The following CLDN16 variants were observed in gnomAD, a reference collection of about 807,000 sequenced individuals.
CLDN16 encodes claudin-16.
In CLDN16, 13 loss-of-function variants were observed where a neutral mutation model predicts 24.6. The ratio of observed to expected loss-of-function variants is 0.53; its 90% CI spans 0.34 to 0.84. The LOEUF is 0.84. Ranked by LOEUF, CLDN16 falls within the 40% of genes least tolerant of loss-of-function variation. The probability of loss-of-function intolerance (pLI) is 0.01; values close to 1 mark genes in which losing one functional copy is unlikely to be tolerated. For missense variants in CLDN16, 298 were observed against 292.7 expected, an observed-to-expected ratio of 1.02 and a Z score of -0.13; for synonymous variants, 116 against 106.7, an observed-to-expected ratio of 1.09 and a Z score of -0.54.
At chr3:190,361,417 A>G (rs911768946) in intron 1 of CLDN16, among the ~76,000 whole-genome samples, 6 of 151,994 alleles carry the variant, frequency 3.9e-5, no homozygotes, top group Non-Finnish European at 7.4e-5. Flanking sequence ...TGAACTAACC[A>G]AAGAAAGGAA....
chr3:190,408,544 C>T (rs773532681), intron 4 of CLDN16, 39 bp downstream of exon 4: 4 of 1,577,024 alleles, frequency 2.5e-6, no homozygotes, highest in Non-Finnish European at 8.7e-7. Flanking sequence ...CTTGCCTCCA[C>T]TATCGTTTTT....
chr3:190,298,348 T>TACACACAC, the CLDN16 span, among the ~76,000 whole-genome samples: 5,716 of 147,888 alleles, frequency 0.039, 268 homozygotes, highest in African/African-American at 0.12. Flanking sequence ...ATGTATATTA[T>TACACACAC]ACACACACAC....
the CLDN16 span, chr3:190,312,834 A>G: frequency 6.2e-7 from 1 of 1,606,860 alleles, no homozygotes; most frequent in Non-Finnish European, 8.5e-7. Flanking sequence ...TACCAGGAAC[A>G]GGTTAGTAAG....
chr3:190,389,849 A>G (rs1335196476), intron 1 of CLDN16, among the ~76,000 whole-genome samples: 1 of 152,240 alleles, frequency 6.6e-6, no homozygotes, highest in Non-Finnish European at 1.5e-5. Context: ...CATAATTATA[A>G]TTATGTTTTT....
chr3:190,345,164 C>G (rs1717524761), intron 1 of CLDN16, among the ~76,000 whole-genome samples: 1 of 152,144 alleles, frequency 6.6e-6, no homozygotes. Flanking sequence ...TTCTTGTTGT[C>G]TTACCAGCTT....
At chr3:190,362,379 A>T (rs4686545) in intron 1 of CLDN16, among the ~76,000 whole-genome samples, 36,517 of 151,752 alleles carry the variant, frequency 0.24, 5,257 homozygotes, top group East Asian at 0.7. Context: ...AACAGAAGAC[A>T]GCAAGAAAAC....
chr3:190,404,620 T>C (rs1421414809), intron 2 of CLDN16, 142 bp from the exon 3 acceptor site: 2 of 779,620 alleles, frequency 2.6e-6, no homozygotes, highest in East Asian at 2.5e-5. Context: ...GGGGTACTTA[T>C]GTTCAAGTTC....
intron 1 of CLDN16, among the ~76,000 whole-genome samples, chr3:190,327,451 C>G (rs895032316): frequency 6.6e-6 from 1 of 152,160 alleles, no homozygotes; most frequent in South Asian, 2.1e-4. Flanking sequence ...CATTTAGATT[C>G]TAAGGGCTTT....
intron 3 of CLDN16, among the ~76,000 whole-genome samples, chr3:190,380,235 T>TG (rs1553806964): frequency 2.4e-4 from 1 of 4,244 alleles, no homozygotes; most frequent in Non-Finnish European, 3.9e-4. Context: ...TTTTCTTCCT[T>TG]CCCTCCCTTC....
Position 190,332,367 on chromosome 3 carries a change from A to G in CLDN16, n.121+9706A>G, listed in dbSNP as rs1244512501. On this transcript the variant is annotated intron_variant and non_coding_transcript_variant, in intron 1 of 4. Coordinates refer to the CLDN16 transcript ENST00000468220. ...GATATTAATAGTTTGCTTAATATGC[A>G]CCAGACAGTAAGGGCTAAGATTTTA... is the stretch of plus-strand genomic sequence containing the variant. Among the ~76,000 whole-genome samples the G allele has an allele frequency of 3.9e-5, 6 of 152,342 alleles. No homozygotes were observed. The South Asian group carries it at 8.3e-4, about 21-fold the overall frequency.
intron 1 of CLDN16, among the ~76,000 whole-genome samples, chr3:190,357,706 C>T (rs1295395718): frequency 2.6e-5 from 4 of 152,016 alleles, no homozygotes; most frequent in South Asian, 2.1e-4. Context: ...GTGCTTTACT[C>T]GTGGTTTCCC....
intron 1 of CLDN16, among the ~76,000 whole-genome samples, chr3:190,326,820 G>T (rs532854644): frequency 7.2e-5 from 11 of 152,226 alleles, no homozygotes; most frequent in East Asian, 1.9e-4. Flanking sequence ...GTCATAAAAG[G>T]TTACCTTGAA....
intron 1 of CLDN16, among the ~76,000 whole-genome samples, chr3:190,368,924 A>G (rs554188098): frequency 1.3e-5 from 2 of 152,068 alleles, no homozygotes; most frequent in Non-Finnish European, 2.9e-5. Flanking sequence ...CAGTGTATAC[A>G]TAGGTAGAGG....
chr3:190,407,577 A>G (rs577504169), intron 3 of CLDN16, among the ~76,000 whole-genome samples: 2 of 152,322 alleles, frequency 1.3e-5, no homozygotes, highest in South Asian at 4.1e-4. Flanking sequence ...AGGCTTCAAC[A>G]TGCAATTTAT....
At chr3:190,387,322 T>A (rs909756494), upstream of CLDN16, among the ~76,000 whole-genome samples, 1 of 151,660 alleles carries the variant, frequency 6.6e-6, no homozygotes, top group Non-Finnish European at 1.5e-5. Context: ...TAAAAACTTT[T>A]TTTTACAAAA....
chr3:190,310,325 C>A, the CLDN16 span: 3 of 1,162,926 alleles, frequency 2.6e-6, no homozygotes, highest in South Asian at 2.5e-5. Flanking sequence ...CCTGTTAAAC[C>A]AAAACATATT....
chr3:190,306,795 A>T, the CLDN16 span: 1 of 152,892 alleles, frequency 6.5e-6, no homozygotes, highest in African/African-American at 2.4e-5. Flanking sequence ...GAAAGAATGG[A>T]AATAGACTGG....
At chr3:190,332,737 T>C (rs1050961675) in intron 1 of CLDN16, among the ~76,000 whole-genome samples, 5 of 150,876 alleles carry the variant, frequency 3.3e-5, no homozygotes, top group Middle Eastern at 3.5e-3. Context: ...CTTGGAAGAC[T>C]AAAGAAAGAT....
intron 1 of CLDN16, among the ~76,000 whole-genome samples, chr3:190,325,610 A>G (rs1366648599): frequency 1.3e-5 from 2 of 152,186 alleles, no homozygotes; most frequent in Non-Finnish European, 2.9e-5. Context: ...AGTAGAAGAG[A>G]TATACACATA....
Sources: allele counts gnomAD v4.1 joint callset (sites outside exome capture counted in the v4.1 genomes callset), GRCh38; gene constraint gnomAD v4.1.1; transcripts MANE v1.5; gene names NCBI Gene and HGNC (gene_info 2026-07-23, HGNC 2026-07-21).